The following CCSER1 variants were observed in gnomAD, a reference collection of about 807,000 sequenced individuals.
CCSER1 encodes serine-rich coiled-coil domain-containing protein 1.
A neutral mutation model predicts 82.0 loss-of-function variants in CCSER1; 41 were observed. That is an observed-to-expected ratio of 0.50 (90% CI 0.39 to 0.65). CCSER1 has a LOEUF of 0.65. Among genes scored for constraint, CCSER1 ranks in the 30% least tolerant of loss-of-function variants. The pLI, the probability that CCSER1 is intolerant of heterozygous loss-of-function variation, is 0.00. For missense variants in CCSER1, 1,119 were observed against 1,064.2 expected (o/e 1.05, Z -0.72); for synonymous variants, 414 against 383.9 (o/e 1.08, Z -0.92).
At chr4:90,481,076 G>A (rs534266179) in intron 5 of CCSER1, among the ~76,000 whole-genome samples, 10 of 151,984 alleles carry the variant, frequency 6.6e-5, no homozygotes, top group Admixed American at 2.0e-4. Context: ...TGAAGTTCTC[G>A]TTGAAGAGGT....
chr4:90,756,214 C>T (rs983932532), intron 7 of CCSER1, among the ~76,000 whole-genome samples: 20 of 151,904 alleles, frequency 1.3e-4, no homozygotes, highest in South Asian at 4.2e-4. Context: ...GGTGACAGAG[C>T]GAGACTCTGT....
intron 10 of CCSER1, among the ~76,000 whole-genome samples, chr4:91,209,123 G>A (rs1018699270): frequency 6.6e-6 from 1 of 151,886 alleles, no homozygotes; most frequent in Non-Finnish European, 1.5e-5. Flanking sequence ...CAGAGACTAT[G>A]GGGTTTTCTA....
chr4:91,379,542 A>T (rs1750707386), intron 10 of CCSER1, among the ~76,000 whole-genome samples: 1 of 152,020 alleles, frequency 6.6e-6, no homozygotes, highest in Non-Finnish European at 1.5e-5. Context: ...ATTTGCATAG[A>T]GGTGTTTCTA....
chr4:90,619,270 AT>A (rs1160042078), intron 5 of CCSER1, among the ~76,000 whole-genome samples: 1 of 151,950 alleles, frequency 6.6e-6, no homozygotes, highest in Non-Finnish European at 1.5e-5. Context: ...AATTTCCCAA[AT>A]AAAATTACTC....
chr4:90,691,541 A>G (rs1424694206), intron 6 of CCSER1, among the ~76,000 whole-genome samples: 3 of 139,112 alleles, frequency 2.2e-5, no homozygotes, highest in South Asian at 2.5e-4. Flanking sequence ...CGTATAATAC[A>G]TGTGTACATA....
chr4:91,496,032 A>G (rs1331660657), intron 10 of CCSER1, among the ~76,000 whole-genome samples: 1 of 151,620 alleles, frequency 6.6e-6, no homozygotes. Context: ...GCTTTCTGCT[A>G]TGATAATTGT....
intron 8 of CCSER1, among the ~76,000 whole-genome samples, chr4:90,863,426 G>A (rs62311157): frequency 0.088 from 13,269 of 151,624 alleles, 638 homozygotes; most frequent in Admixed American, 0.13. Context: ...TTCTTTTTCA[G>A]TCAGATGATA....
At chr4:91,268,622 G>A (rs1741792119) in intron 10 of CCSER1, among the ~76,000 whole-genome samples, 1 of 152,134 alleles carries the variant, frequency 6.6e-6, no homozygotes, top group Non-Finnish European at 1.5e-5. Context: ...TCACCTGGGT[G>A]CAGGCTGGCT....
intron 10 of CCSER1, among the ~76,000 whole-genome samples, chr4:91,320,407 T>C (rs1746116533): frequency 1.3e-5 from 2 of 152,152 alleles, no homozygotes; most frequent in African/African-American, 4.8e-5. Flanking sequence ...TTAGGCATGA[T>C]TGTGCATAAT....
chr4:91,237,175 CT>C (rs1379228888), intron 10 of CCSER1, among the ~76,000 whole-genome samples: 1 of 151,818 alleles, frequency 6.6e-6, no homozygotes, highest in Non-Finnish European at 1.5e-5. Context: ...TATGTCCATT[CT>C]TTCTTTCCTG....
chr4:91,271,531 T>G (rs1742022398), intron 10 of CCSER1, among the ~76,000 whole-genome samples: 1 of 152,096 alleles, frequency 6.6e-6, no homozygotes, highest in Non-Finnish European at 1.5e-5. Context: ...CAATGTTTGG[T>G]TTTCCATTCC....
intron 8 of CCSER1, among the ~76,000 whole-genome samples, chr4:90,896,132 T>C (rs1487066871): frequency 6.6e-6 from 1 of 151,878 alleles, no homozygotes. Flanking sequence ...TGTGAGAAGC[T>C]AAGTATCCAG....
chr4:91,469,606 T>C (rs537529767), intron 10 of CCSER1, among the ~76,000 whole-genome samples: 1 of 152,288 alleles, frequency 6.6e-6, no homozygotes, highest in South Asian at 2.1e-4. Context: ...ACCTAAGCCC[T>C]GGAGAACTTC....
chr4:90,296,180 A>C (rs12647157), intron 1 of CCSER1, among the ~76,000 whole-genome samples: 20,616 of 152,020 alleles, frequency 0.14, 1,623 homozygotes, highest in East Asian at 0.3. Flanking sequence ...TAATATTGTC[A>C]GTTCTTTGCT....
chr4:91,482,259 G>T (rs1374736485), intron 10 of CCSER1, among the ~76,000 whole-genome samples: 2 of 120,312 alleles, frequency 1.7e-5, no homozygotes, highest in African/African-American at 3.4e-5. Context: ...AAAATTAGCC[G>T]GGCGCGGTGG....
chr4:91,267,394 T>C (rs1741683852), intron 10 of CCSER1, among the ~76,000 whole-genome samples: 1 of 152,180 alleles, frequency 6.6e-6, no homozygotes, highest in Non-Finnish European at 1.5e-5. Flanking sequence ...AAAATAACTT[T>C]AAGAAAAATG....
chr4:90,911,938 G>A lies in CCSER1; in HGVS notation c.2095-11432G>A, dbSNP rs920361508. Reference sequence around the variant, plus strand: ...GCAGCAGCGAGGCTGGGGGAGGGGCGCCCGCCATTGCTGAAGCTTGAGTAG... The same window carrying A: ...GCAGCAGCGAGGCTGGGGGAGGGGCACCCGCCATTGCTGAAGCTTGAGTAG... On this transcript the variant is annotated intron_variant, in intron 8 of 10. Transcript: ENST00000509176. 1.5e-4 allele frequency among the ~76,000 whole-genome samples: 23 copies of A among 152,284 alleles called. No homozygotes were observed. In the East Asian group the frequency reaches 2.5e-3, roughly 17 times the overall value.
chr4:90,350,946 A>G (rs1175097501), intron 3 of CCSER1, among the ~76,000 whole-genome samples: 3 of 152,188 alleles, frequency 2.0e-5, no homozygotes, highest in Non-Finnish European at 4.4e-5. Context: ...AATGTATTGC[A>G]CTGCAATAAA....
intron 1 of CCSER1, among the ~76,000 whole-genome samples, chr4:90,166,598 A>G (rs920211541): frequency 6.6e-6 from 1 of 152,154 alleles, no homozygotes; most frequent in Non-Finnish European, 1.5e-5. Context: ...TAAAATGCCT[A>G]TATAAGTTTA....
Sources: gnomAD v4.1 joint callset for allele counts (sites outside exome capture counted in the v4.1 genomes callset) on GRCh38, gnomAD v4.1.1 for gene constraint, MANE v1.5 for transcripts, NCBI Gene and HGNC (gene_info 2026-07-23, HGNC 2026-07-21) for gene names.